ASPM: variants seen among roughly 807,000 people sequenced by gnomAD.
ASPM encodes the protein abnormal spindle-like microcephaly-associated protein.
Under a neutral mutation model 366.4 loss-of-function variants are expected in ASPM, and 256 were observed. That is an observed-to-expected ratio of 0.70 (90% CI 0.63 to 0.77). ASPM has a LOEUF of 0.77. ASPM is among the 30% of genes least tolerant of loss of function. The probability of loss-of-function intolerance (pLI) is 0.00; values close to 1 mark genes in which losing one functional copy is unlikely to be tolerated. For missense variants in ASPM, 4,146 were observed against 4,090.4 expected (o/e 1.01, Z -0.37); for synonymous variants, 1,414 against 1,342.9 (o/e 1.05, Z -1.16).
chr1:197,125,213 G>A (rs1471041896), intron 10 of ASPM, 22 bp from the exon 11 acceptor site: 1 of 1,613,258 alleles, frequency 6.2e-7, no homozygotes, highest in Non-Finnish European at 8.5e-7. Context: ...AAAATGTTCA[G>A]ATGAAATTAT....
At chr1:197,094,694 T>C (rs1656912673) in intron 19 of ASPM, among the ~76,000 whole-genome samples, 1 of 151,538 alleles carries the variant, frequency 6.6e-6, no homozygotes, top group Admixed American at 6.6e-5. Flanking sequence ...TGGAGAAAAA[T>C]TTTAAAAAAT....
Position 197,124,228 on chromosome 1 carries a change from T to C in ASPM, c.3272A>G (p.Asp1091Gly). ...GCCTTTTTTCTTATTAATAAGATCA[T>C]CAGAATGGCATGATAGTAGAGATAT... is the stretch of plus-strand genomic sequence containing the variant. The part of the protein sequence containing the change: ...KTISLLSCHS[D>G]DLINKKKGKR... Residue 1091 changes from aspartate (D) to glycine (G), a missense_variant, in exon 13 of 28, where the codon GAT (aspartate) becomes GGT (glycine). Physicochemically the swap from Asp to Gly is moderately conservative, Grantham distance 94. Transcript: ENST00000367409. 1 of 1,609,240 alleles carries C rather than the reference T, an allele frequency of 6.2e-7. No homozygotes were observed. The highest frequency in any genetic ancestry group is 8.5e-7 in the Non-Finnish European group (1 of 1,175,898).
chr1:197,103,974 C>T lies in ASPM; in HGVS notation c.5277G>A (p.Gln1759=). ...RLQRKAVISL[Q]SYFRMRKARQ... ...GAGCCTTTCTCATTCTGAAATAAGA[C>T]TGTAGTGAAATAACAGCTTTTCTTT... Residue 1759 remains glutamine (Q), a synonymous_variant, in exon 18 of 28, where the codon CAG becomes CAA. Transcript: ENST00000367409. 1.9e-6 allele frequency: 3 copies of T among 1,612,380 alleles called. No individual in the cohort carries two copies. Among genetic ancestry groups the T allele is most frequent in the Non-Finnish European group, 2.5e-6 (3 of 1,179,342 alleles).
At chr1:197,135,792 A>C (rs1263298717) in intron 4 of ASPM, among the ~76,000 whole-genome samples, 2 of 152,034 alleles carry the variant, frequency 1.3e-5, no homozygotes, top group African/African-American at 4.8e-5. Context: ...CTCTACCAAA[A>C]ACACAAATAA....
At position 197,103,316 on chromosome 1, in the gene ASPM, A is replaced by G; in HGVS notation, c.5935T>C (p.Ser1979Pro). 1 of 1,613,154 alleles carries G rather than the reference A, an allele frequency of 6.2e-7. No homozygotes were observed. The highest frequency in any genetic ancestry group is 8.5e-7 in the Non-Finnish European group (1 of 1,179,430). Residue 1979 changes from serine (S) to proline (P), a missense_variant, in exon 18 of 28, where the codon TCA becomes CCA. Coordinates refer to ENST00000367409, the MANE Select transcript of ASPM (RefSeq NM_018136.5). ...TGTTGCACATGCATTCTATAGTATG[A>G]CTGTATGATGATAGCACATTTATGT... is the stretch of plus-strand genomic sequence containing the variant. ...RQHKCAIIIQ[S>P]YYRMHVQQKK...
At chr1:197,136,404 C>T (rs541793110) in intron 4 of ASPM, among the ~76,000 whole-genome samples, 1 of 152,108 alleles carries the variant, frequency 6.6e-6, no homozygotes, top group South Asian at 2.1e-4. Flanking sequence ...TTATTTTCTA[C>T]ATGATTTAAA....
Position 197,142,644 on chromosome 1 carries a change from C to T in ASPM, c.1608G>A (p.Lys536=), listed in dbSNP as rs2125113854. The T allele has an allele frequency of 1.2e-6, 2 of 1,611,942 alleles. No homozygotes were observed. Among genetic ancestry groups the T allele is most frequent in the South Asian group, 2.2e-5 (2 of 90,848 alleles). The part of the protein sequence containing the change: ...GEHEKVINNQ[K]EKEDFHSYLP... ...GATAAGAATGAAAATCTTCTTTTTC[C>T]TTTTGATTATTTATTACTTTTTCAT... is the stretch of plus-strand genomic sequence containing the variant. The change falls in exon 3 of 28, where the codon AAG becomes AAA. Residue 536 remains lysine (K), a synonymous_variant. Coordinates refer to ENST00000367409, the MANE Select transcript of ASPM (RefSeq NM_018136.5).
intron 4 of ASPM, among the ~76,000 whole-genome samples, chr1:197,138,537 G>T (rs1401233937): frequency 8.6e-5 from 13 of 152,004 alleles, no homozygotes; most frequent in Admixed American, 8.5e-4. Flanking sequence ...ACCTCAGATG[G>T]TCCACCTGCC....
intron 10 of ASPM, among the ~76,000 whole-genome samples, chr1:197,126,355 C>T (rs957999179): frequency 6.9e-6 from 1 of 145,646 alleles, no homozygotes; most frequent in South Asian, 2.2e-4. Context: ...GCAGGAGAAT[C>T]GCTAGAACAC....
intron 17 of ASPM, among the ~76,000 whole-genome samples, chr1:197,116,191 G>A (rs1213583631): frequency 6.6e-6 from 1 of 152,136 alleles, no homozygotes; most frequent in African/African-American, 2.4e-5. Context: ...TAAATCTCAT[G>A]AATCATTCTC....
intron 12 of ASPM, 54 bp downstream of exon 12, chr1:197,124,816 T>C (rs2125105488): frequency 1.5e-6 from 2 of 1,370,816 alleles, no homozygotes; most frequent in Non-Finnish European, 1.0e-6. Context: ...ATTGTTTTTA[T>C]AAATCAGTAA....
In ASPM at chr1:197,102,041, A is replaced by G. The variant is rs1345523503; in HGVS notation, c.7210T>C (p.Leu2404=). 5.0e-6 allele frequency: 8 copies of G among 1,612,860 alleles called. No homozygotes were observed. In the African/African-American group the frequency reaches 1.1e-4, roughly 22 times the overall value. The change falls in exon 18 of 28, where the codon TTG becomes CTG. Residue 2404 remains leucine (L), a synonymous_variant. Coordinates refer to ENST00000367409, the MANE Select transcript of ASPM (RefSeq NM_018136.5). ...AFRGMKTRRH[L]KSMHSSATLI... is the part of the protein sequence containing the mutation. ...GTTGCAGAGGAATGCATACTCTTCAAATGTCTTCTAGTTTTCATACCCCTG... is the reference window on the plus strand; with the variant it reads ...GTTGCAGAGGAATGCATACTCTTCAGATGTCTTCTAGTTTTCATACCCCTG...
rs538285558 is a variant in ASPM at position 197,095,944 on chromosome 1, T to A, written c.8987+54A>T. ...AAGCAGTGTTATTTTATGTAAAGAC[T>A]TAGCTATCACACACAAATACTTTTA... is the stretch of plus-strand genomic sequence containing the variant. On this transcript the variant is annotated intron_variant, in intron 19 of 27. Transcript: ENST00000367409. 1,244 of 1,432,270 alleles carry A rather than the reference T, an allele frequency of 8.7e-4. 1 individual carries two copies. Among genetic ancestry groups the A allele is most frequent in the South Asian group, 1.4e-3 (111 of 80,698 alleles). The allele number at this position is 1,432,270 out of a possible 1,614,324, so 88.7% of individuals were successfully genotyped here.
chr1:197,131,259 A>T (rs1251630120), intron 7 of ASPM, among the ~76,000 whole-genome samples: 1 of 152,172 alleles, frequency 6.6e-6, no homozygotes, highest in Non-Finnish European at 1.5e-5. Flanking sequence ...CCTGGAATAA[A>T]CTGAAATAGT....
chr1:197,103,746 A>G lies in ASPM; in HGVS notation c.5505T>C (p.Phe1835=). The G allele has an allele frequency of 6.2e-7, 1 of 1,612,816 alleles. No homozygotes were observed. Among genetic ancestry groups the G allele is most frequent in the Non-Finnish European group, 8.5e-7 (1 of 1,179,310 alleles). ...SIAALKIQSA[F]RGYNKRVKYQ... ...ATTTTACCCTTTTATTATAGCCTCT[A>G]AAAGCAGACTGAATTTTAAGAGCAG... The change falls in exon 18 of 28, where the codon TTT becomes TTC. Residue 1835 remains phenylalanine, a synonymous_variant. Coordinates refer to ENST00000367409, the MANE Select transcript of ASPM (RefSeq NM_018136.5).
At chr1:197,110,308 C>T (rs1378088477) in intron 17 of ASPM, among the ~76,000 whole-genome samples, 2 of 151,864 alleles carry the variant, frequency 1.3e-5, no homozygotes, top group Non-Finnish European at 2.9e-5. Flanking sequence ...AAAGACATTT[C>T]AATGTGGAAA....
At position 197,143,564 on chromosome 1, in the gene ASPM, C is replaced by A; in HGVS notation, c.688G>T (p.Glu230Ter). The part of the protein sequence containing the change: ...PISPISPAFN[E>*]CHGATCLPLS... ...GGCAAGCAAGTTGCACCATGGCATT[C>A]ATTGAAAGCAGGGCTAATAGGTGAT... Residue 230 changes from glutamate to a stop codon, truncating the protein, a stop_gained, in exon 3 of 28, where the codon GAA (glutamate) becomes TAA (stop). Transcript: ENST00000367409. LOFTEE classifies it high-confidence loss of function. The A allele has an allele frequency of 1.2e-6, 2 of 1,613,656 alleles. No homozygotes were observed. Among genetic ancestry groups the A allele is most frequent in the Non-Finnish European group, 1.7e-6 (2 of 1,179,918 alleles).
rs1156608409 is a variant in ASPM at position 197,104,245 on chromosome 1, T to C, written c.5006A>G (p.Tyr1669Cys). Residue 1669 changes from tyrosine (Y) to cysteine (C), a missense_variant, in exon 18 of 28, where the codon TAT becomes TGT. Coordinates refer to ENST00000367409, the MANE Select transcript of ASPM (RefSeq NM_018136.5). ...VIKIQSYYRA[Y>C]VSKKEFLSLK... ...GCTCAAAAATTCCTTTTTAGAAACA[T>C]AAGCACGATAATATGATTGAATCTT... The C allele has an allele frequency of 6.2e-7, 1 of 1,612,836 alleles. No individual in the cohort carries two copies. The highest frequency in any genetic ancestry group is 8.5e-7 in the Non-Finnish European group (1 of 1,179,346).
chr1:197,145,271 C>T (rs1658730810), intron 1 of ASPM, among the ~76,000 whole-genome samples: 1 of 152,168 alleles, frequency 6.6e-6, no homozygotes, highest in Non-Finnish European at 1.5e-5. Context: ...ATAAATTCTC[C>T]AGTCTTTGGT....
Sources: gnomAD v4.1 joint callset for allele counts (sites outside exome capture counted in the v4.1 genomes callset) on GRCh38, gnomAD v4.1.1 for gene constraint, MANE v1.5 for transcripts, NCBI Gene and HGNC (gene_info 2026-07-23, HGNC 2026-07-21) for gene names.